PLCH2: variants seen among roughly 807,000 people sequenced by gnomAD.
PLCH2 encodes the protein phospholipase C eta 2, also known as 1-phosphatidylinositol 4,5-bisphosphate phosphodiesterase eta-2.
Under a neutral mutation model 134.7 loss-of-function variants are expected in PLCH2, and 98 were observed. That is an observed-to-expected ratio of 0.73 (90% confidence interval 0.62 to 0.86). The LOEUF (loss-of-function observed/expected upper bound fraction) is 0.86, where lower values mean the gene tolerates loss of function less well. PLCH2 is among the 40% of genes least tolerant of loss of function. The pLI, the probability that PLCH2 is intolerant of heterozygous loss-of-function variation, is 0.00. For missense variants in PLCH2, 1,994 were observed against 1,986.6 expected (o/e 1.00, Z -0.07); for synonymous variants, 974 against 827.5 (o/e 1.18, Z -3.04).
chr1:2,463,556 C>T (rs961255894), upstream of PLCH2, among the ~76,000 whole-genome samples: 1 of 152,224 alleles, frequency 6.6e-6, no homozygotes, highest in South Asian at 2.1e-4. Context: ...AGGCACCCCA[C>T]GAAGGCCCCA....
Position 2,428,023 on chromosome 1 carries a change from T to C in PLCH2, c.-178+1986T>C, listed in dbSNP as rs138109020. On this transcript the variant is annotated intron_variant, in intron 1 of 3. Transcript: ENST00000609981. ...GATCTGCTGGTCTGTGTGTGGTCGT[T>C]GCACCCTGGGCACTCGGCCCGGAGC... Among the ~76,000 whole-genome samples, 564 of 152,254 alleles carry C rather than the reference T, an allele frequency of 3.7e-3. 2 individuals carry two copies. Among genetic ancestry groups the C allele is most frequent in the Middle Eastern group, 0.01 (3 of 294 alleles).
Position 2,504,792 on chromosome 1 carries a change from G to C in PLCH2, c.3830G>C (p.Ser1277Thr). The C allele has an allele frequency of 6.2e-7, 1 of 1,612,000 alleles. No individual in the cohort carries two copies. Residue 1277 changes from serine (S) to threonine (T), a missense_variant, in exon 22 of 22, where the codon AGC (serine) becomes ACC (threonine). Physicochemically the swap from Ser to Thr is moderately conservative, Grantham distance 58. Around this residue, in one of 2 missense-constraint regions of PLCH2, gnomAD observed 900 missense variants for 752.3 expected, o/e 1.20. Transcript: ENST00000378486. The part of the protein sequence containing the change: ...PSFEGGSRRL[S>T]HSLGLPGGTR... ...TTTGAGGGCGGCTCCCGCAGACTGA[G>C]CCACAGCCTGGGCCTCCCGGGAGGG...
chr1:2,483,263 C>G (rs997139352), intron 4 of PLCH2, among the ~76,000 whole-genome samples: 11 of 152,170 alleles, frequency 7.2e-5, no homozygotes, highest in Admixed American at 5.9e-4. Flanking sequence ...AGGCGCAGGG[C>G]GGAACCCTGC....
intron 2 of PLCH2, among the ~76,000 whole-genome samples, chr1:2,438,513 C>T (rs1352717924): frequency 2.0e-5 from 3 of 152,174 alleles, no homozygotes; most frequent in Non-Finnish European, 4.4e-5. Flanking sequence ...AAGGTGTGCA[C>T]ACTCGACCCT....
chr1:2,428,131 G>C (rs576012447), intron 1 of PLCH2, among the ~76,000 whole-genome samples: 1 of 152,182 alleles, frequency 6.6e-6, no homozygotes, highest in Non-Finnish European at 1.5e-5. Context: ...AGCATGGCCC[G>C]GTCCAGCCTG....
At chr1:2,476,900 C>T (rs917997976) in intron 1 of PLCH2, among the ~76,000 whole-genome samples, 188 bp downstream of exon 1, 10 of 152,164 alleles carry the variant, frequency 6.6e-5, no homozygotes, top group South Asian at 2.1e-4. Context: ...GCCCCTCAGC[C>T]GCTCAGAGGC....
At chr1:2,420,015 C>T in the PLCH2 span, among the ~76,000 whole-genome samples, 1 of 151,650 alleles carries the variant, frequency 6.6e-6, no homozygotes, top group African/African-American at 2.4e-5. Context: ...CTACCCCCTC[C>T]TGTGCTGCCT....
chr1:2,435,048 C>T (rs1434731319), intron 2 of PLCH2, among the ~76,000 whole-genome samples: 6 of 152,100 alleles, frequency 3.9e-5, no homozygotes, highest in Non-Finnish European at 7.4e-5. Flanking sequence ...AACACCGGGG[C>T]GCAGGGACTT....
At chr1:2,435,621 G>A (rs1382786714) in intron 2 of PLCH2, among the ~76,000 whole-genome samples, 1 of 152,098 alleles carries the variant, frequency 6.6e-6, no homozygotes, top group Non-Finnish European at 1.5e-5. Context: ...GGCAGGGCCC[G>A]AGTGCAGCGT....
At chr1:2,496,775 C>A in intron 14 of PLCH2, 53 bp from the exon 15 acceptor site, 1 of 1,609,814 alleles carries the variant, frequency 6.2e-7, no homozygotes, top group South Asian at 1.1e-5. Flanking sequence ...TGCTGCTGGG[C>A]GCCGGGCGAG....
At position 2,498,570 on chromosome 1, in the gene PLCH2, A is replaced by C. The variant is rs767796028; in HGVS notation, c.2272A>C (p.Lys758Gln). Residue 758 changes from lysine to glutamine, a missense_variant, in exon 17 of 22, where the codon AAG (lysine) becomes CAG (glutamine). By Grantham distance (53) the Lys-to-Gln change is moderately conservative. Coordinates refer to ENST00000378486, the MANE Select transcript of PLCH2 (RefSeq NM_014638.4). The surrounding 1 kb of genome is among the most constrained non-coding windows in gnomAD (Gnocchi z 5.4). ...GGACCCCCTGCCCGGGCAGCTCAAG[A>C]AGCAGCTGGTGCTCCGGATCATCAG... The part of the protein sequence containing the change: ...SEDPLPGQLK[K>Q]QLVLRIISGQ... 18 of 1,605,546 alleles carry C rather than the reference A, an allele frequency of 1.1e-5. No homozygotes were observed. The highest frequency in any genetic ancestry group is 2.3e-4 in the Middle Eastern group (1 of 4,440).
At chr1:2,487,417 T>A in intron 7 of PLCH2, 41 bp downstream of exon 7, 2 of 1,572,612 alleles carry the variant, frequency 1.3e-6, no homozygotes, top group Non-Finnish European at 1.7e-6. Flanking sequence ...GGCTGGCATC[T>A]GCTGTGGGAG....
chr1:2,472,911 G>A (rs1015579021), upstream of PLCH2, among the ~76,000 whole-genome samples: 9 of 152,034 alleles, frequency 5.9e-5, no homozygotes, highest in African/African-American at 2.2e-4. Flanking sequence ...GGGTGTGTGT[G>A]TACATGCCGG....
chr1:2,456,298 G>C (rs1430021749), intron 2 of PLCH2, among the ~76,000 whole-genome samples: 1 of 152,206 alleles, frequency 6.6e-6, no homozygotes, highest in African/African-American at 2.4e-5. Context: ...TCCCCTGGGC[G>C]CTGGCTCCTA....
intron 11 of PLCH2, 62 bp from the exon 12 acceptor site, chr1:2,494,794 C>T: frequency 7.9e-7 from 1 of 1,263,336 alleles, no homozygotes. Flanking sequence ...AGGGGCTGTC[C>T]CGGCCTCCCT....
intron 7 of PLCH2, 110 bp from the exon 8 acceptor site, chr1:2,487,488 C>T: frequency 6.8e-7 from 1 of 1,480,356 alleles, no homozygotes; most frequent in Non-Finnish European, 9.2e-7. Context: ...AAGGCCTCTT[C>T]TGTGTCCCTC....
chr1:2,505,358 C>A lies in PLCH2; in HGVS notation c.*145C>A. On this transcript the variant is annotated 3_prime_UTR_variant, in exon 22 of 22. Transcript: ENST00000378486. Reference sequence around the variant, plus strand: ...CCCTCCACCCCTGCCTCCCTCCTGCCCCTGCTCCCGGGGAGGAAAGGCTAA... The same window carrying A: ...CCCTCCACCCCTGCCTCCCTCCTGCACCTGCTCCCGGGGAGGAAAGGCTAA... 1 of 630,128 alleles carries A rather than the reference C, an allele frequency of 1.6e-6. No homozygotes were observed. Among genetic ancestry groups the A allele is most frequent in the Non-Finnish European group, 2.7e-6 (1 of 373,908 alleles). 39.0% of individuals were successfully genotyped at this position (630,128 alleles called of 1,614,324 possible).
At chr1:2,472,231 A>G (rs1641357978), upstream of PLCH2, among the ~76,000 whole-genome samples, 1 of 152,182 alleles carries the variant, frequency 6.6e-6, no homozygotes, top group South Asian at 2.1e-4. Context: ...TCAGACGTTT[A>G]AATAATCTCC....
intron 2 of PLCH2, among the ~76,000 whole-genome samples, chr1:2,445,413 GGGGAACTGGT>G (rs1436873886): frequency 6.6e-6 from 1 of 152,184 alleles, no homozygotes; most frequent in Non-Finnish European, 1.5e-5. Flanking sequence ...GGCAGTGGTC[GGGGAACTGGT>G]GGGAGTGTCT....
Sources: gnomAD v4.1 joint callset for allele counts (sites outside exome capture counted in the v4.1 genomes callset) on GRCh38, gnomAD v4.1.1 for gene constraint, gnomAD v4.1.1 regional missense constraint, Gnocchi (gnomAD v3.1) non-coding constraint, MANE v1.5 for transcripts, NCBI Gene and HGNC (gene_info 2026-07-23, HGNC 2026-07-21) for gene names.